Variants in ZNF804A observed in about 807,000 individuals in gnomAD.
The protein encoded by ZNF804A is zinc finger protein 804A.
In ZNF804A, 2 loss-of-function variants were observed where a neutral mutation model predicts 16.5. That is an observed-to-expected ratio of 0.12 (90% CI 0.05 to 0.38). ZNF804A has a LOEUF of 0.38. ZNF804A is among the 10% of genes least tolerant of loss of function. The pLI is 0.99. For missense variants in ZNF804A, 1,473 were observed against 1,390.7 expected, an observed-to-expected ratio of 1.06 and a Z score of -0.94; for synonymous variants, 534 against 489.6, an observed-to-expected ratio of 1.09 and a Z score of -1.20.
intron 2 of ZNF804A, among the ~76,000 whole-genome samples, chr2:184,927,461 G>A (rs958965752): frequency 6.6e-6 from 1 of 152,134 alleles, no homozygotes; most frequent in Non-Finnish European, 1.5e-5. Context: ...AGCCAGCACA[G>A]CATTGGGTCT....
chr2:184,618,986 T>C (rs1289471508), intron 1 of ZNF804A, among the ~76,000 whole-genome samples: 2 of 152,088 alleles, frequency 1.3e-5, no homozygotes, highest in East Asian at 3.9e-4. Flanking sequence ...CCTTTTAATA[T>C]ATTTTTTGGT....
At chr2:184,918,067 T>A (rs1685478526) in intron 2 of ZNF804A, among the ~76,000 whole-genome samples, 1 of 152,100 alleles carries the variant, frequency 6.6e-6, no homozygotes, top group African/African-American at 2.4e-5. Context: ...TTGATGTCAG[T>A]CACAGGAAAT....
At chr2:184,677,069 A>C (rs1311745272) in intron 1 of ZNF804A, among the ~76,000 whole-genome samples, 3 of 151,858 alleles carry the variant, frequency 2.0e-5, no homozygotes, top group Non-Finnish European at 4.4e-5. Context: ...AAAAAGAAAA[A>C]AAACATTTAT....
At chr2:184,885,000 A>T (rs1684862870) in intron 2 of ZNF804A, among the ~76,000 whole-genome samples, 1 of 152,202 alleles carries the variant, frequency 6.6e-6, no homozygotes, top group African/African-American at 2.4e-5. Context: ...CAAATTTATA[A>T]GAACAAAAGC....
At chr2:184,868,367 C>T (rs527756264) in intron 2 of ZNF804A, among the ~76,000 whole-genome samples, 28 of 152,100 alleles carry the variant, frequency 1.8e-4, no homozygotes, top group African/African-American at 6.3e-4. Context: ...ATAACGTCAT[C>T]GCTATGACCA....
intron 1 of ZNF804A, among the ~76,000 whole-genome samples, chr2:184,621,465 G>A (rs1691418624): frequency 6.6e-6 from 1 of 151,708 alleles, no homozygotes; most frequent in African/African-American, 2.4e-5. Context: ...TTTAATTTCT[G>A]CCGTATTGTT....
chr2:184,659,814 T>C (rs1692139129), intron 1 of ZNF804A, among the ~76,000 whole-genome samples: 1 of 152,208 alleles, frequency 6.6e-6, no homozygotes, highest in Admixed American at 6.5e-5. Context: ...GCATAAAAAA[T>C]GTATAAGTAG....
At chr2:184,830,640 T>A (rs1162880211) in intron 1 of ZNF804A, among the ~76,000 whole-genome samples, 2 of 152,142 alleles carry the variant, frequency 1.3e-5, no homozygotes, top group Non-Finnish European at 2.9e-5. Flanking sequence ...CTGATCCTTT[T>A]GTCAGTTCAT....
At chr2:184,911,237 C>T (rs1685352068) in intron 2 of ZNF804A, among the ~76,000 whole-genome samples, 1 of 151,758 alleles carries the variant, frequency 6.6e-6, no homozygotes, top group Admixed American at 6.6e-5. Flanking sequence ...GTCCTTTCCC[C>T]ATTGTTTATT....
chr2:184,616,928 T>C (rs1302905263), intron 1 of ZNF804A, among the ~76,000 whole-genome samples: 1 of 152,094 alleles, frequency 6.6e-6, no homozygotes, highest in South Asian at 2.1e-4. Flanking sequence ...TCAGTGGACA[T>C]GTTCCTGAAG....
intron 1 of ZNF804A, 29 bp from the exon 2 acceptor site, chr2:184,866,340 G>A (rs892591164): frequency 2.5e-6 from 4 of 1,610,066 alleles, no homozygotes; most frequent in African/African-American, 1.3e-5. Context: ...AGAGCTAATT[G>A]TATCCTTCCT....
chr2:184,886,808 G>A (rs1445461188), intron 2 of ZNF804A, among the ~76,000 whole-genome samples: 1 of 152,202 alleles, frequency 6.6e-6, no homozygotes, highest in African/African-American at 2.4e-5. Context: ...ACACAGCGTG[G>A]GGGCCTGGGG....
At chr2:184,883,980 C>G (rs1346470788) in intron 2 of ZNF804A, among the ~76,000 whole-genome samples, 1 of 151,934 alleles carries the variant, frequency 6.6e-6, no homozygotes, top group Non-Finnish European at 1.5e-5. Flanking sequence ...GAGAAAGAAA[C>G]AAAAGGCATC....
intron 1 of ZNF804A, among the ~76,000 whole-genome samples, chr2:184,842,337 A>G (rs1695451046): frequency 6.6e-6 from 1 of 152,154 alleles, no homozygotes; most frequent in South Asian, 2.1e-4. Context: ...TATGGAAGCT[A>G]TGGTTGCATG....
chr2:184,731,581 T>C (rs955075478), intron 1 of ZNF804A, among the ~76,000 whole-genome samples: 20 of 147,120 alleles, frequency 1.4e-4, no homozygotes, highest in African/African-American at 4.8e-4. Context: ...TTTTTTTTTT[T>C]TTTTTTGAGA....
intron 2 of ZNF804A, among the ~76,000 whole-genome samples, chr2:184,891,008 TTGTGAGAACAAAAGATA>T: frequency 6.6e-6 from 1 of 152,222 alleles, no homozygotes; most frequent in African/African-American, 2.4e-5. Context: ...GATACCACCA[TTGTGAGAACAAAAGATA>T]AAATAGTGAG....
At chr2:184,734,757 A>G (rs938795878) in intron 1 of ZNF804A, among the ~76,000 whole-genome samples, 2 of 152,178 alleles carry the variant, frequency 1.3e-5, no homozygotes, top group African/African-American at 4.8e-5. Context: ...ATCTGGCAAA[A>G]TGATGCTGAA....
intron 2 of ZNF804A, among the ~76,000 whole-genome samples, chr2:184,910,890 T>C (rs1005915471): frequency 8.0e-4 from 122 of 151,992 alleles, no homozygotes; most frequent in Non-Finnish European, 9.0e-4. Context: ...TTATCAGATG[T>C]ATAATTTGTA....
chr2:184,720,925 C>T (rs971607998), intron 1 of ZNF804A, among the ~76,000 whole-genome samples: 6 of 152,054 alleles, frequency 3.9e-5, no homozygotes, highest in African/African-American at 1.4e-4. Flanking sequence ...GAATAGAGAA[C>T]CCATAAATAA....
Sources: allele counts gnomAD v4.1 joint callset (sites outside exome capture counted in the v4.1 genomes callset), GRCh38; gene constraint gnomAD v4.1.1; transcripts MANE v1.5; gene names NCBI Gene and HGNC (gene_info 2026-07-23, HGNC 2026-07-21).